KDM1A: variants seen among roughly 807,000 people sequenced by gnomAD.
The protein encoded by KDM1A is lysine demethylase 1A, also known as lysine-specific histone demethylase 1A.
KDM1A carries 49 observed loss-of-function variants against 109.4 expected under a neutral mutation model. The ratio of observed to expected loss-of-function variants is 0.45; its 90% CI spans 0.36 to 0.57. The LOEUF (loss-of-function observed/expected upper bound fraction) is 0.57. KDM1A is among the 20% of genes least tolerant of loss of function. The probability of loss-of-function intolerance (pLI) is 0.00; values close to 1 mark genes in which losing one functional copy is unlikely to be tolerated. For missense variants in KDM1A, 668 were observed against 1,116.6 expected, an observed-to-expected ratio of 0.60 and a Z score of 5.73; for synonymous variants, 380 against 415.4, an observed-to-expected ratio of 0.91 and a Z score of 1.04.
rs1204773968 is a variant in KDM1A, at chr1:23,069,048, T to C, written c.1323-13T>C. The C allele has an allele frequency of 1.9e-6, 3 of 1,579,180 alleles. No homozygotes were observed. Among genetic ancestry groups the C allele is most frequent in the African/African-American group, 1.4e-5 (1 of 73,514 alleles). ...TGGCTTTGAGAGCAGATTATACATA[T>C]TGTCTCTCTTAGGTTACAAGAGAAG... On this transcript the variant is annotated splice_polypyrimidine_tract_variant and intron_variant, in intron 11 of 20. Coordinates refer to ENST00000400181, the MANE Select transcript of KDM1A (RefSeq NM_001009999.3).
intron 9 of KDM1A, among the ~76,000 whole-genome samples, chr1:23,065,268 A>C (rs949632764): frequency 5.3e-5 from 8 of 152,164 alleles, no homozygotes. Context: ...GACTTAAAGT[A>C]TGGGTAGTTT....
At chr1:23,022,671 T>G (rs1641675142) in intron 1 of KDM1A, among the ~76,000 whole-genome samples, 1 of 135,352 alleles carries the variant, frequency 7.4e-6, no homozygotes, top group Non-Finnish European at 1.6e-5. Flanking sequence ...TTTTTTTTTT[T>G]TGCTGAGACA....
intron 7 of KDM1A, among the ~76,000 whole-genome samples, 156 bp from the exon 8 acceptor site, chr1:23,057,328 A>T (rs1026526998): frequency 1.3e-5 from 2 of 152,172 alleles, no homozygotes; most frequent in Admixed American, 1.3e-4. Context: ...GTTAAACTTC[A>T]TTTGTTCTTT....
chr1:23,037,149 C>CACAT (rs1461444768), intron 2 of KDM1A, among the ~76,000 whole-genome samples: 1 of 151,530 alleles, frequency 6.6e-6, no homozygotes, highest in Non-Finnish European at 1.5e-5. Context: ...CACACACACA[C>CACAT]ACAAATTAGC....
chr1:23,040,607 G>A (rs553652724), intron 2 of KDM1A, among the ~76,000 whole-genome samples: 17 of 149,850 alleles, frequency 1.1e-4, no homozygotes, highest in East Asian at 5.9e-4. Flanking sequence ...GCAACATATC[G>A]AGAACTCGTC....
At chr1:23,041,573 G>A (rs1485368664) in intron 2 of KDM1A, among the ~76,000 whole-genome samples, 4 of 150,316 alleles carry the variant, frequency 2.7e-5, no homozygotes, top group African/African-American at 9.8e-5. Context: ...CTCCTGAGTA[G>A]CTGGGATTAC....
At chr1:23,081,270 G>C in intron 18 of KDM1A, 176 bp from the exon 19 acceptor site, 1 of 670,856 alleles carries the variant, frequency 1.5e-6, no homozygotes, top group Non-Finnish European at 2.4e-6. Flanking sequence ...GGTGTCTGGC[G>C]ACAAAGAGTT....
At chr1:23,044,250 A>C in intron 2 of KDM1A, 177 bp from the exon 3 acceptor site, 1 of 569,090 alleles carries the variant, frequency 1.8e-6, no homozygotes, top group South Asian at 2.0e-5. Context: ...TCCTGACCAG[A>C]ATTTGGAAGA....
At position 23,047,111 on chromosome 1, in the gene KDM1A, G is replaced by A. The variant is rs188546406; in HGVS notation, c.577+2625G>A. The stretch of plus-strand genomic sequence containing the variant: ...ACTCATGAGTTAGATTATCCAAAAT[G>A]GTGTCTATTACTTCATTTTGGTACT... On this transcript the variant is annotated intron_variant, in intron 3 of 20. Coordinates refer to ENST00000400181, the MANE Select transcript of KDM1A (RefSeq NM_001009999.3). Among the ~76,000 whole-genome samples, 408 of 152,194 alleles carry A rather than the reference G, an allele frequency of 2.7e-3. 4 individuals carry two copies. The highest frequency in any genetic ancestry group is 9.1e-3 in the African/African-American group (378 of 41,524).
intron 6 of KDM1A, 47 bp downstream of exon 6, chr1:23,055,208 G>T (rs375571541): frequency 2.6e-6 from 3 of 1,143,738 alleles, no homozygotes; most frequent in Non-Finnish European, 3.9e-6. Context: ...TTTAAGTTAC[G>T]GTTTCAGGAC....
At chr1:23,068,441 C>CCTTT in intron 10 of KDM1A, 98 bp from the exon 11 acceptor site, 1 of 954,350 alleles carries the variant, frequency 1.0e-6, no homozygotes, top group Middle Eastern at 2.3e-4. Flanking sequence ...CTTTGAGATA[C>CCTTT]ATATTTTGAC....
intron 3 of KDM1A, among the ~76,000 whole-genome samples, chr1:23,050,043 G>A (rs367751061): frequency 6.6e-6 from 1 of 152,104 alleles, no homozygotes; most frequent in African/African-American, 2.4e-5. Context: ...TCCTGTTAGT[G>A]CATTTTCCTT....
intron 9 of KDM1A, among the ~76,000 whole-genome samples, chr1:23,062,343 C>T (rs1643024132): frequency 6.6e-6 from 1 of 152,158 alleles, no homozygotes; most frequent in African/African-American, 2.4e-5. Context: ...CAAGGCCTAC[C>T]TAAAGTAAAA....
At chr1:23,054,422 A>G (rs1642763804) in intron 5 of KDM1A, among the ~76,000 whole-genome samples, 1 of 152,148 alleles carries the variant, frequency 6.6e-6, no homozygotes, top group African/African-American at 2.4e-5. Context: ...AATCAATACA[A>G]TTCCAAATTA....
intron 10 of KDM1A, among the ~76,000 whole-genome samples, chr1:23,066,330 C>G (rs574152084): frequency 6.6e-6 from 1 of 152,158 alleles, no homozygotes; most frequent in African/African-American, 2.4e-5. Flanking sequence ...GTGGGCTGCT[C>G]AGCAAACAGA....
chr1:23,055,091 A>G lies in KDM1A; in HGVS notation c.813A>G (p.Arg271=). ...TAGGTGATACTGTGCTTGTCCACCG[A>G]GTTCACAGTTATTTAGAGCGTCATG... ...PYNSDTVLVH[R]VHSYLERHGL... is the part of the protein sequence containing the mutation. The change falls in exon 6 of 21, where the codon CGA becomes CGG. Residue 271 remains arginine, a synonymous_variant. Coordinates refer to ENST00000400181, the MANE Select transcript of KDM1A (RefSeq NM_001009999.3). 6.2e-7 allele frequency: 1 copy of G among 1,611,270 alleles called. No individual in the cohort carries two copies. Among genetic ancestry groups the G allele is most frequent in the Non-Finnish European group, 8.5e-7 (1 of 1,178,700 alleles).
At chr1:23,054,775 C>T (rs984095278) in intron 5 of KDM1A, among the ~76,000 whole-genome samples, 15 of 152,196 alleles carry the variant, frequency 9.9e-5, no homozygotes, top group Middle Eastern at 3.4e-3. Flanking sequence ...TATGGGCATG[C>T]ACCATCATAC....
At chr1:23,078,675 TACTTA>T (rs1643535312) in intron 16 of KDM1A, among the ~76,000 whole-genome samples, 1 of 152,234 alleles carries the variant, frequency 6.6e-6, no homozygotes, top group African/African-American at 2.4e-5. Flanking sequence ...GGTCTAAATG[TACTTA>T]ACTTGAGTAA....
chr1:23,079,379 T>C lies in KDM1A; in HGVS notation c.2056-174T>C, dbSNP rs2072944. Among the ~76,000 whole-genome samples the C allele has an allele frequency of 0.31, 46,418 of 152,116 alleles. 8,958 individuals are homozygous for C. The highest frequency in any genetic ancestry group is 0.55 in the East Asian group (2,815 of 5,158). On this transcript the variant is annotated intron_variant, in intron 17 of 20. Coordinates refer to ENST00000400181, the MANE Select transcript of KDM1A (RefSeq NM_001009999.3). This position sits in a 1 kb window ranked among gnomAD's most constrained non-coding sequence, Gnocchi z 5.6. The stretch of plus-strand genomic sequence containing the variant: ...GTCTGTTCATATGGACTTAGTCTTA[T>C]GGGGTCATTTCACAAACTCAGGCCT...
Sources: gnomAD v4.1 joint callset for allele counts (sites outside exome capture counted in the v4.1 genomes callset) on GRCh38, gnomAD v4.1.1 for gene constraint, Gnocchi (gnomAD v3.1) non-coding constraint, MANE v1.5 for transcripts, NCBI Gene and HGNC (gene_info 2026-07-23, HGNC 2026-07-21) for gene names.